Variants in DLG2 observed in about 807,000 individuals in gnomAD.
DLG2 encodes the protein disks large homolog 2.
Under a neutral mutation model 132.5 loss-of-function variants are expected in DLG2, and 45 were observed. That is an observed-to-expected ratio of 0.34 (90% CI 0.27 to 0.44). DLG2 has a LOEUF of 0.44. DLG2 is among the 20% of genes least tolerant of loss of function. DLG2 has a pLI of 1.00. For missense variants in DLG2, 1,045 were observed against 1,196.9 expected (o/e 0.87, Z 1.87); for synonymous variants, 424 against 419.6 (o/e 1.01, Z -0.13).
intron 6 of DLG2, among the ~76,000 whole-genome samples, chr11:84,971,702 G>A (rs2054119301): frequency 1.3e-5 from 2 of 151,950 alleles, no homozygotes; most frequent in Admixed American, 1.3e-4. Flanking sequence ...TTCTTTGATG[G>A]TATCAAAAGC....
intron 7 of DLG2, among the ~76,000 whole-genome samples, chr11:84,362,278 T>C (rs1418578236): frequency 1.3e-5 from 2 of 151,898 alleles, no homozygotes; most frequent in Admixed American, 6.6e-5. Flanking sequence ...CTTGAAAGAG[T>C]AAATGCCTTC....
At chr11:85,076,763 C>T (rs182878501) in intron 6 of DLG2, among the ~76,000 whole-genome samples, 3 of 152,120 alleles carry the variant, frequency 2.0e-5, no homozygotes, top group East Asian at 3.9e-4. Flanking sequence ...ACAGATTCTC[C>T]TCTCTGGTAC....
At chr11:84,179,388 T>A (rs917830502) in intron 8 of DLG2, among the ~76,000 whole-genome samples, 13 of 152,042 alleles carry the variant, frequency 8.6e-5, no homozygotes, top group Non-Finnish European at 1.5e-4. Flanking sequence ...GTCAGATAGG[T>A]AGACACAAAG....
chr11:83,518,671 A>G (rs976010020), intron 21 of DLG2, among the ~76,000 whole-genome samples: 13 of 152,178 alleles, frequency 8.5e-5, no homozygotes, highest in Admixed American at 7.9e-4. Flanking sequence ...TCTTCTAACC[A>G]GCAACTTTAA....
chr11:85,193,539 A>G (rs1251264501), intron 4 of DLG2, among the ~76,000 whole-genome samples: 1 of 152,172 alleles, frequency 6.6e-6, no homozygotes, highest in Non-Finnish European at 1.5e-5. Context: ...GAGAATTCCA[A>G]TTTCTCCATA....
At chr11:84,188,142 A>C (rs752893755) in intron 8 of DLG2, among the ~76,000 whole-genome samples, 4 of 152,166 alleles carry the variant, frequency 2.6e-5, no homozygotes, top group African/African-American at 4.8e-5. Context: ...AGATCCAGTT[A>C]CTAGTTTTAG....
In DLG2 at chr11:85,525,745, T is replaced by C. The variant is rs192101685; in HGVS notation, c.40+72912A>G. Reference sequence around the variant, plus strand: ...CTCACAGATTACTGCCAGGAGAATATTTTCAGGCCACAGCACAGAAATAGA... The same window carrying C: ...CTCACAGATTACTGCCAGGAGAATACTTTCAGGCCACAGCACAGAAATAGA... On this transcript the variant is annotated intron_variant, in intron 3 of 27. Coordinates refer to ENST00000376104, the MANE Select transcript of DLG2 (RefSeq NM_001142699.3). Among the ~76,000 whole-genome samples the C allele has an allele frequency of 1.3e-4, 20 of 152,232 alleles. 1 individual carries two copies. The highest frequency in any genetic ancestry group is 4.1e-4 in the African/African-American group (17 of 41,548).
chr11:83,854,610 C>T (rs11233767), intron 16 of DLG2, among the ~76,000 whole-genome samples: 26,504 of 151,938 alleles, frequency 0.17, 2,563 homozygotes, highest in East Asian at 0.31. Context: ...AAATTCATCA[C>T]AAACCAAAAT....
chr11:85,434,904 T>C (rs561043735), intron 3 of DLG2, among the ~76,000 whole-genome samples: 1 of 152,292 alleles, frequency 6.6e-6, no homozygotes, highest in East Asian at 1.9e-4. Context: ...CTGATGAACA[T>C]TGATGTGAAA....
intron 3 of DLG2, among the ~76,000 whole-genome samples, chr11:85,301,108 G>T (rs1394221858): frequency 6.6e-6 from 1 of 152,128 alleles, no homozygotes; most frequent in Admixed American, 6.6e-5. Flanking sequence ...GGCTAAGGTA[G>T]GAGACTTGCT....
At chr11:85,399,712 A>G (rs2087839242) in intron 3 of DLG2, among the ~76,000 whole-genome samples, 1 of 152,212 alleles carries the variant, frequency 6.6e-6, no homozygotes, top group South Asian at 2.1e-4. Flanking sequence ...TGGTGCTGGG[A>G]AAACTGGCTA....
chr11:84,291,056 T>C (rs2036030293), intron 7 of DLG2, among the ~76,000 whole-genome samples: 1 of 152,192 alleles, frequency 6.6e-6, no homozygotes, highest in Admixed American at 6.5e-5. Context: ...TGTTAGCTAC[T>C]ATTGTTTAAA....
intron 3 of DLG2, among the ~76,000 whole-genome samples, chr11:85,565,756 T>G (rs1036211916): frequency 5.9e-5 from 9 of 152,176 alleles, no homozygotes; most frequent in African/African-American, 1.7e-4. Context: ...CATCAGTTGA[T>G]GGACATTTGG....
At chr11:84,135,636 G>A (rs2094572490) in intron 9 of DLG2, among the ~76,000 whole-genome samples, 1 of 152,104 alleles carries the variant, frequency 6.6e-6, no homozygotes, top group Non-Finnish European at 1.5e-5. Context: ...AGAAATGCAG[G>A]AGCCCATGAG....
chr11:85,158,623 C>G (rs1222749248), intron 4 of DLG2, among the ~76,000 whole-genome samples: 1 of 152,118 alleles, frequency 6.6e-6, no homozygotes, highest in African/African-American at 2.4e-5. Context: ...ACTGCAGTCA[C>G]TCAACTAAAA....
chr11:85,121,346 ATAC>A lies in DLG2; in HGVS notation c.283-9614_283-9612del, dbSNP rs542884628. Among the ~76,000 whole-genome samples, 63 of 151,330 alleles carry A rather than the reference ATAC, an allele frequency of 4.2e-4. 1 individual carries two copies. The highest frequency in any genetic ancestry group is 3.7e-3 in the South Asian group (18 of 4,818). Reference sequence around the variant, plus strand: ...CACTTTAATGTTTTCATAGTAAAATATACTACATTAATATTGTTATTCTTTTAT... The same window carrying A: ...CACTTTAATGTTTTCATAGTAAAATATACATTAATATTGTTATTCTTTTAT... On this transcript the variant is annotated intron_variant, in intron 5 of 27. Coordinates refer to ENST00000376104, the MANE Select transcript of DLG2 (RefSeq NM_001142699.3).
chr11:84,494,382 T>C (rs918227507), intron 7 of DLG2, among the ~76,000 whole-genome samples: 1 of 152,138 alleles, frequency 6.6e-6, no homozygotes, highest in Non-Finnish European at 1.5e-5. Flanking sequence ...TAGGACATAC[T>C]TTTTACCTGA....
At chr11:83,920,455 C>T (rs1411744738) in intron 15 of DLG2, among the ~76,000 whole-genome samples, 8 of 152,240 alleles carry the variant, frequency 5.3e-5, no homozygotes, top group African/African-American at 1.9e-4. Flanking sequence ...AGCCCTTCCC[C>T]CATACTGCCA....
At chr11:84,328,960 A>C (rs2098446166) in intron 7 of DLG2, among the ~76,000 whole-genome samples, 1 of 152,230 alleles carries the variant, frequency 6.6e-6, no homozygotes, top group Admixed American at 6.5e-5. Context: ...AACTATGCTA[A>C]GGATGATGTA....
Sources: gnomAD v4.1 joint callset for allele counts (sites outside exome capture counted in the v4.1 genomes callset) on GRCh38, gnomAD v4.1.1 for gene constraint, MANE v1.5 for transcripts, NCBI Gene and HGNC (gene_info 2026-07-23, HGNC 2026-07-21) for gene names.